Variants in RBFOX1 observed in about 807,000 individuals in gnomAD.
The protein encoded by RBFOX1 is RNA binding fox-1 homolog 1.
Under a neutral mutation model 57.7 loss-of-function variants are expected in RBFOX1, and 8 were observed. The ratio of observed to expected loss-of-function variants is 0.14; its 90% CI spans 0.08 to 0.25. The LOEUF is 0.25. Among genes scored for constraint, RBFOX1 ranks in the 10% least tolerant of loss-of-function variants. The probability of loss-of-function intolerance (pLI) is 1.00; values close to 1 mark genes in which losing one functional copy is unlikely to be tolerated. For synonymous variants in RBFOX1, 326 were observed against 222.4 expected (o/e 1.47, Z -4.15); for missense variants, 611 against 548.5 (o/e 1.11, Z -1.14).
chr16:5,496,588 C>G (rs143604969), intron 2 of RBFOX1, among the ~76,000 whole-genome samples: 8 of 152,284 alleles, frequency 5.3e-5, no homozygotes, highest in Admixed American at 2.6e-4. Flanking sequence ...TTTTCTCTCT[C>G]TCTTAGTCAC....
chr16:7,686,186 T>TG (rs1226806608), intron 14 of RBFOX1, among the ~76,000 whole-genome samples: 1 of 148,124 alleles, frequency 6.8e-6, no homozygotes, highest in African/African-American at 2.5e-5. Context: ...TGTTCTCGAG[T>TG]GAAAAAAAAA....
chr16:6,615,818 G>A (rs966295560), intron 2 of RBFOX1, among the ~76,000 whole-genome samples: 4 of 152,140 alleles, frequency 2.6e-5, no homozygotes, highest in Non-Finnish European at 5.9e-5. Flanking sequence ...AGACACAGCC[G>A]CATTTCCCTT....
chr16:7,231,006 G>C (rs1335096635), intron 4 of RBFOX1, among the ~76,000 whole-genome samples: 4 of 152,082 alleles, frequency 2.6e-5, no homozygotes, highest in Non-Finnish European at 4.4e-5. Context: ...GATCAGCCAT[G>C]GTACCTGAAC....
chr16:7,326,795 C>T (rs1174292278), intron 4 of RBFOX1, among the ~76,000 whole-genome samples: 1 of 152,034 alleles, frequency 6.6e-6, no homozygotes, highest in Non-Finnish European at 1.5e-5. Flanking sequence ...CAGGCTTTTC[C>T]TACTGTTGTG....
At chr16:6,351,694 T>G (rs1348390602) in intron 2 of RBFOX1, among the ~76,000 whole-genome samples, 1 of 152,166 alleles carries the variant, frequency 6.6e-6, no homozygotes, top group Admixed American at 6.6e-5. Context: ...TTTTCATGTG[T>G]GTGTATACTA....
upstream of RBFOX1, among the ~76,000 whole-genome samples, chr16:6,017,943 C>T (rs17139131): frequency 2.6e-5 from 4 of 151,992 alleles, no homozygotes; most frequent in Non-Finnish European, 4.4e-5. Flanking sequence ...AATGAACAGG[C>T]GCCTCAGATC....
chr16:6,043,756 C>A (rs1461880310), intron 1 of RBFOX1, among the ~76,000 whole-genome samples: 1 of 152,088 alleles, frequency 6.6e-6, no homozygotes, highest in Non-Finnish European at 1.5e-5. Context: ...GGCTCTTCTG[C>A]CCTTTGATTG....
chr16:7,611,319 C>A (rs942084417), intron 10 of RBFOX1, among the ~76,000 whole-genome samples: 1 of 152,186 alleles, frequency 6.6e-6, no homozygotes, highest in Non-Finnish European at 1.5e-5. Flanking sequence ...GGCGTGGTGG[C>A]TCACGCCTTT....
chr16:6,519,378 T>C (rs958003543), intron 2 of RBFOX1, among the ~76,000 whole-genome samples: 10 of 152,104 alleles, frequency 6.6e-5, no homozygotes, highest in Admixed American at 4.6e-4. Flanking sequence ...GCCCTCCACC[T>C]TGGGAAAACC....
chr16:6,623,713 C>G (rs565378850), intron 2 of RBFOX1, among the ~76,000 whole-genome samples: 3 of 151,882 alleles, frequency 2.0e-5, no homozygotes, highest in Non-Finnish European at 2.9e-5. Flanking sequence ...TTTGTCCTTG[C>G]GATAGTTTGC....
intron 1 of RBFOX1, among the ~76,000 whole-genome samples, chr16:6,292,674 C>T (rs781139382): frequency 1.6e-4 from 24 of 152,184 alleles, no homozygotes; most frequent in Admixed American, 6.5e-4. Context: ...TCCTTCTAGG[C>T]GAATTGTTAT....
chr16:7,126,758 G>T (rs894148494), intron 4 of RBFOX1: 6 of 152,114 alleles, frequency 3.9e-5, no homozygotes, highest in African/African-American at 1.4e-4. Flanking sequence ...AGAGGCTGAG[G>T]CGGGCAGATC....
chr16:5,922,065 G>A (rs2058835284), intron 4 of RBFOX1, among the ~76,000 whole-genome samples: 1 of 152,182 alleles, frequency 6.6e-6, no homozygotes, highest in African/African-American at 2.4e-5. Context: ...GGAGGCTGAA[G>A]TAGGAGGATC....
chr16:7,280,723 T>G (rs867449916), intron 4 of RBFOX1, among the ~76,000 whole-genome samples: 1 of 152,166 alleles, frequency 6.6e-6, no homozygotes, highest in African/African-American at 2.4e-5. Flanking sequence ...TTCATTGATA[T>G]GAGTTTTATC....
intron 3 of RBFOX1, among the ~76,000 whole-genome samples, chr16:7,005,286 C>G (rs552346845): frequency 1.3e-5 from 2 of 152,164 alleles, no homozygotes; most frequent in Non-Finnish European, 1.5e-5. Context: ...AGATACTTGC[C>G]TCCATTCCAG....
At chr16:5,630,795 G>A (rs921976288) in intron 3 of RBFOX1, among the ~76,000 whole-genome samples, 1 of 152,188 alleles carries the variant, frequency 6.6e-6, no homozygotes, top group Non-Finnish European at 1.5e-5. Context: ...TGGAAAAAAG[G>A]CAATGAGGGA....
At chr16:5,628,348 C>A (rs1048853338) in intron 3 of RBFOX1, among the ~76,000 whole-genome samples, 1 of 151,988 alleles carries the variant, frequency 6.6e-6, no homozygotes, top group Non-Finnish European at 1.5e-5. Flanking sequence ...TTTTTTATTG[C>A]TTCTTTTTAT....
chr16:7,532,120 G>A (rs540700380), intron 5 of RBFOX1, among the ~76,000 whole-genome samples: 1 of 144,100 alleles, frequency 6.9e-6, no homozygotes, highest in South Asian at 2.4e-4. Flanking sequence ...TTTAGGGGGA[G>A]AAACTAGCTA....
chr16:6,243,569 C>G (rs921160874), intron 1 of RBFOX1, among the ~76,000 whole-genome samples: 1 of 152,180 alleles, frequency 6.6e-6, no homozygotes, highest in African/African-American at 2.4e-5. Flanking sequence ...AGCAGGGTAT[C>G]ATGTCCTCTA....
Sources: allele counts gnomAD v4.1 joint callset (sites outside exome capture counted in the v4.1 genomes callset), GRCh38; gene constraint gnomAD v4.1.1; transcripts MANE v1.5; gene names NCBI Gene and HGNC (gene_info 2026-07-23, HGNC 2026-07-21).